TIAM1: variants seen among roughly 807,000 people sequenced by gnomAD.
TIAM1 encodes the protein TIAM Rac1 associated GEF 1, also known as rho guanine nucleotide exchange factor TIAM1.
TIAM1 carries 65 observed loss-of-function variants against 163.5 expected under a neutral mutation model. The observed-to-expected ratio is 0.40, with a 90% CI of 0.33 to 0.49. The LOEUF is 0.49. TIAM1 is among the 20% of genes least tolerant of loss of function. The probability of loss-of-function intolerance (pLI) is 0.77; values close to 1 mark genes in which losing one functional copy is unlikely to be tolerated. For missense variants in TIAM1, 1,789 were observed against 2,044.7 expected (o/e 0.87, Z 2.41); for synonymous variants, 833 against 810.1 (o/e 1.03, Z -0.48).
intron 1 of TIAM1, among the ~76,000 whole-genome samples, chr21:31,543,942 G>C (rs1370218974): frequency 6.6e-6 from 1 of 152,218 alleles, no homozygotes; most frequent in African/African-American, 2.4e-5. Context: ...CCAGCACAGT[G>C]GCTCACGCCT....
At chr21:31,188,613 C>A (rs1330477789) in intron 13 of TIAM1, among the ~76,000 whole-genome samples, 1 of 152,148 alleles carries the variant, frequency 6.6e-6, no homozygotes. Flanking sequence ...CTTGCTCTGT[C>A]CCCCAGGCTG....
At chr21:31,499,675 C>G (rs974437453) in intron 1 of TIAM1, among the ~76,000 whole-genome samples, 1 of 151,722 alleles carries the variant, frequency 6.6e-6, no homozygotes, top group Non-Finnish European at 1.5e-5. Context: ...CATGGTGAAA[C>G]CCCATCTCTA....
upstream of TIAM1, among the ~76,000 whole-genome samples, chr21:31,347,887 A>G (rs2076175037): frequency 6.6e-6 from 1 of 152,254 alleles, no homozygotes; most frequent in Non-Finnish European, 1.5e-5. Flanking sequence ...GGATATTTGC[A>G]CAAGAGCTGG....
chr21:31,207,156 G>T (rs563700304), intron 11 of TIAM1, among the ~76,000 whole-genome samples: 3 of 152,288 alleles, frequency 2.0e-5, no homozygotes, highest in South Asian at 4.1e-4. Context: ...TTTTGTAGTT[G>T]TAACGATCAG....
chr21:31,125,628 G>A (rs1385461546), intron 26 of TIAM1, among the ~76,000 whole-genome samples: 2 of 152,184 alleles, frequency 1.3e-5, no homozygotes, highest in Non-Finnish European at 2.9e-5. Context: ...AGGCTGGAGT[G>A]CAGTGGTATG....
chr21:31,412,837 G>C lies in TIAM1; in HGVS notation c.-369+51146C>G, dbSNP rs113951267. Among the ~76,000 whole-genome samples the C allele has an allele frequency of 7.5e-5, 11 of 146,294 alleles. No individual in the cohort carries two copies. The East Asian group carries it at 1.8e-3, about 25-fold the overall frequency. On this transcript the variant is annotated intron_variant, in intron 2 of 28. Transcript: ENST00000286827. ...AGCACGCAACCTAGATCCCTCGCTC[G>C]CATGTGCAGTTCACAATAGGGCTCA...
intron 2 of TIAM1, among the ~76,000 whole-genome samples, chr21:31,411,508 C>A (rs570443266): frequency 3.4e-4 from 48 of 141,216 alleles, no homozygotes; most frequent in Admixed American, 3.3e-3. Context: ...TAGGGTCTCA[C>A]TCCCTTGCCC....
At chr21:31,521,948 T>C (rs1234188408) in intron 1 of TIAM1, among the ~76,000 whole-genome samples, 2 of 152,028 alleles carry the variant, frequency 1.3e-5, no homozygotes, top group Non-Finnish European at 2.9e-5. Context: ...CTCGGCTCAC[T>C]GCAAGCTCCG....
intron 2 of TIAM1, among the ~76,000 whole-genome samples, chr21:31,314,432 T>C (rs1280568157): frequency 6.6e-5 from 10 of 152,130 alleles, no homozygotes; most frequent in Admixed American, 1.3e-4. Flanking sequence ...AGGGCCAACA[T>C]AGTCAAAGCA....
At chr21:31,492,334 A>G (rs949155299) in intron 1 of TIAM1, among the ~76,000 whole-genome samples, 5 of 152,210 alleles carry the variant, frequency 3.3e-5, no homozygotes, top group Non-Finnish European at 5.9e-5. Flanking sequence ...TCTGAACTGA[A>G]AGCTGATCTT....
Position 31,448,609 on chromosome 21 carries a change from TA to T in TIAM1, c.-369+15373del, listed in dbSNP as rs36095276. ...TGACAGAGAGAGACTCCATCTCAAT[TA>T]AAAAAAAAAAAAAAAACAAGAAGTG... On this transcript the variant is annotated intron_variant, in intron 2 of 28. Transcript: ENST00000286827. Among the ~76,000 whole-genome samples, 493 of 128,634 alleles carry T rather than the reference TA, an allele frequency of 3.8e-3. 17 individuals are homozygous for T. The highest frequency in any genetic ancestry group is 0.02 in the Middle Eastern group (5 of 246). 84.4% of individuals were successfully genotyped at this position (128,634 alleles called of 152,430 possible).
chr21:31,499,433 C>T (rs369880411), intron 1 of TIAM1, among the ~76,000 whole-genome samples: 18 of 152,078 alleles, frequency 1.2e-4, no homozygotes, highest in South Asian at 1.0e-3. Flanking sequence ...TGGCAGTACA[C>T]GCTGCACGGG....
intron 4 of TIAM1, among the ~76,000 whole-genome samples, chr21:31,253,992 AATTTTCCAAAC>A (rs1214358123): frequency 1.4e-4 from 21 of 152,338 alleles, no homozygotes; most frequent in African/African-American, 4.6e-4. Flanking sequence ...TGAGTCTGTG[AATTTTCCAAAC>A]TTTTGGATTC....
intron 2 of TIAM1, among the ~76,000 whole-genome samples, chr21:31,326,586 C>T (rs1224358295): frequency 6.6e-6 from 1 of 152,186 alleles, no homozygotes; most frequent in Non-Finnish European, 1.5e-5. Flanking sequence ...ATGACAACAA[C>T]AAAAAGATAG....
intron 1 of TIAM1, among the ~76,000 whole-genome samples, chr21:31,469,448 T>C (rs2045657421): frequency 6.6e-6 from 1 of 152,104 alleles, no homozygotes; most frequent in African/African-American, 2.4e-5. Flanking sequence ...CGTGACTCTC[T>C]TCTGTCACCT....
At chr21:31,356,970 A>G (rs2076326536) in intron 2 of TIAM1, among the ~76,000 whole-genome samples, 1 of 152,232 alleles carries the variant, frequency 6.6e-6, no homozygotes, top group African/African-American at 2.4e-5. Context: ...AAATGAATGA[A>G]TAAACATTTT....
At chr21:31,557,621 G>C (rs1161709921) in intron 1 of TIAM1, among the ~76,000 whole-genome samples, 1 of 152,196 alleles carries the variant, frequency 6.6e-6, no homozygotes. Flanking sequence ...TATGCGCCAA[G>C]TCAGCGTGCA....
chr21:31,169,294 A>AAATAAT (rs146494866), intron 15 of TIAM1, among the ~76,000 whole-genome samples: 47 of 151,046 alleles, frequency 3.1e-4, no homozygotes, highest in South Asian at 6.3e-4. Flanking sequence ...ACTCCGTCTC[A>AAATAAT]AATAATAATA....
At chr21:31,306,312 C>T (rs1227443639) in intron 2 of TIAM1, among the ~76,000 whole-genome samples, 1 of 151,876 alleles carries the variant, frequency 6.6e-6, no homozygotes, top group Non-Finnish European at 1.5e-5. Flanking sequence ...AATAATACTA[C>T]TAGCAGATTA....
Sources: gnomAD v4.1 joint callset for allele counts (sites outside exome capture counted in the v4.1 genomes callset) on GRCh38, gnomAD v4.1.1 for gene constraint, MANE v1.5 for transcripts, NCBI Gene and HGNC (gene_info 2026-07-23, HGNC 2026-07-21) for gene names.